SHISA9: variants seen among roughly 807,000 people sequenced by gnomAD.
The protein encoded by SHISA9 is protein shisa-9.
SHISA9 carries 13 observed loss-of-function variants against 38.0 expected under a neutral mutation model. The observed-to-expected ratio is 0.34, with a 90% confidence interval of 0.22 to 0.54. The LOEUF (loss-of-function observed/expected upper bound fraction) is 0.54, where lower values mean the gene tolerates loss of function less well. Among genes scored for constraint, SHISA9 ranks in the 20% least tolerant of loss-of-function variants. SHISA9 has a pLI of 0.91. For synonymous variants in SHISA9, 275 were observed against 242.0 expected (o/e 1.14, Z -1.27); for missense variants, 538 against 575.8 (o/e 0.93, Z 0.67).
At chr16:13,304,134 A>G in the SHISA9 span, among the ~76,000 whole-genome samples, 6 of 151,828 alleles carry the variant, frequency 4.0e-5, no homozygotes, top group Admixed American at 6.6e-5. Flanking sequence ...CATTTCTCCA[A>G]CCTCTGTCTT....
At chr16:13,140,497 G>A (rs978728621) in intron 2 of SHISA9, among the ~76,000 whole-genome samples, 1 of 151,988 alleles carries the variant, frequency 6.6e-6, no homozygotes, top group African/African-American at 2.4e-5. Context: ...CTTTCTGGGG[G>A]TACCTAAACA....
chr16:13,507,819 C>G, the SHISA9 span, among the ~76,000 whole-genome samples: 3 of 152,162 alleles, frequency 2.0e-5, no homozygotes, highest in African/African-American at 7.2e-5. Context: ...TGTTTGAAGG[C>G]TAGAAATGGG....
chr16:13,535,197 G>A, the SHISA9 span, among the ~76,000 whole-genome samples: 1 of 152,192 alleles, frequency 6.6e-6, no homozygotes, highest in Non-Finnish European at 1.5e-5. Context: ...AGTGAGCTTA[G>A]ATTGTGCCAC....
chr16:13,062,345 G>A (rs1055310034), intron 2 of SHISA9, among the ~76,000 whole-genome samples: 9 of 152,178 alleles, frequency 5.9e-5, no homozygotes, highest in African/African-American at 2.2e-4. Context: ...TATGGACAAA[G>A]ATGATGGTTT....
At chr16:13,233,463 A>G (rs2051351646) in intron 4 of SHISA9, among the ~76,000 whole-genome samples, 1 of 152,228 alleles carries the variant, frequency 6.6e-6, no homozygotes, top group African/African-American at 2.4e-5. Context: ...TCTACTTTTT[A>G]TAATCCAAAT....
chr16:12,987,784 A>G (rs1190405236), intron 2 of SHISA9, among the ~76,000 whole-genome samples: 1 of 152,208 alleles, frequency 6.6e-6, no homozygotes, highest in Non-Finnish European at 1.5e-5. Context: ...TAGAGCTGCC[A>G]TTTTGTTGAG....
chr16:13,561,841 A>G, the SHISA9 span, among the ~76,000 whole-genome samples: 1 of 152,126 alleles, frequency 6.6e-6, no homozygotes, highest in African/African-American at 2.4e-5. Flanking sequence ...TAATGTTTCC[A>G]TATTGGTTGC....
chr16:13,479,784 G>A, the SHISA9 span, among the ~76,000 whole-genome samples: 1 of 152,182 alleles, frequency 6.6e-6, no homozygotes, highest in African/African-American at 2.4e-5. Flanking sequence ...AGGTTCACTG[G>A]TGGTTTGGTA....
chr16:13,503,416 T>C, the SHISA9 span, among the ~76,000 whole-genome samples: 1 of 152,196 alleles, frequency 6.6e-6, no homozygotes, highest in Non-Finnish European at 1.5e-5. Flanking sequence ...ATGAATTGCT[T>C]AGGTGGTTCT....
chr16:13,426,602 G>A, the SHISA9 span, among the ~76,000 whole-genome samples: 2 of 152,072 alleles, frequency 1.3e-5, no homozygotes, highest in East Asian at 1.9e-4. Flanking sequence ...TTGATCGTTC[G>A]AAGTAAATAA....
At chr16:13,044,521 C>T (rs919106732) in intron 2 of SHISA9, among the ~76,000 whole-genome samples, 33 of 152,258 alleles carry the variant, frequency 2.2e-4, no homozygotes, top group African/African-American at 7.9e-4. Context: ...GATTAGTGGG[C>T]ACAGATCCAA....
the SHISA9 span, among the ~76,000 whole-genome samples, chr16:13,416,770 G>C: frequency 1.0e-5 from 1 of 96,386 alleles, no homozygotes; most frequent in Non-Finnish European, 2.1e-5. Context: ...AAGGAAGGAA[G>C]GAAGGGAAGG....
At chr16:13,312,476 C>G in the SHISA9 span, among the ~76,000 whole-genome samples, 14 of 152,158 alleles carry the variant, frequency 9.2e-5, no homozygotes, top group Admixed American at 7.9e-4. Flanking sequence ...ATCAGTTTTA[C>G]AATATGCTAA....
At chr16:13,434,487 G>T in the SHISA9 span, among the ~76,000 whole-genome samples, 1 of 144,376 alleles carries the variant, frequency 6.9e-6, no homozygotes, top group African/African-American at 2.6e-5. Flanking sequence ...GCGCGATCTC[G>T]GCTCACTGCA....
the SHISA9 span, among the ~76,000 whole-genome samples, chr16:13,306,743 A>G: frequency 6.6e-6 from 1 of 152,180 alleles, no homozygotes; most frequent in East Asian, 1.9e-4. Context: ...AGTAACCAGG[A>G]AGCTGCAAGA....
At chr16:13,165,506 T>C (rs1228509338) in intron 2 of SHISA9, among the ~76,000 whole-genome samples, 1 of 152,190 alleles carries the variant, frequency 6.6e-6, no homozygotes, top group African/African-American at 2.4e-5. Flanking sequence ...TAAATAGTAG[T>C]ATAGGTAGTG....
intron 2 of SHISA9, among the ~76,000 whole-genome samples, chr16:13,117,215 T>C (rs1485815978): frequency 6.6e-6 from 1 of 152,172 alleles, no homozygotes; most frequent in African/African-American, 2.4e-5. Context: ...ACCTTGGTGA[T>C]CCTCCCATCT....
chr16:13,110,415 GA>G (rs1230129972), intron 2 of SHISA9, among the ~76,000 whole-genome samples: 1 of 152,228 alleles, frequency 6.6e-6, no homozygotes, highest in Non-Finnish European at 1.5e-5. Context: ...TTTCATGCAA[GA>G]GACGAAAAGA....
chr16:13,223,943 G>A (rs1295857728), intron 4 of SHISA9, among the ~76,000 whole-genome samples: 1 of 152,196 alleles, frequency 6.6e-6, no homozygotes, highest in East Asian at 1.9e-4. Flanking sequence ...ATAACTTGAG[G>A]CAGTGGAGCC....
Sources: allele counts gnomAD v4.1 joint callset (sites outside exome capture counted in the v4.1 genomes callset), GRCh38; gene constraint gnomAD v4.1.1; transcripts MANE v1.5; gene names NCBI Gene and HGNC (gene_info 2026-07-23, HGNC 2026-07-21).